The following CRKL variants were observed in gnomAD, a reference collection of about 807,000 sequenced individuals.
CRKL encodes the protein crk-like protein.
A neutral mutation model predicts 23.0 loss-of-function variants in CRKL; 3 were observed. The ratio of observed to expected loss-of-function variants is 0.13; its 90% confidence interval spans 0.06 to 0.34. The LOEUF is 0.34. Among genes scored for constraint, CRKL ranks in the 10% least tolerant of loss-of-function variants. The pLI is 1.00. For synonymous variants in CRKL, 188 were observed against 160.7 expected (o/e 1.17, Z -1.28); for missense variants, 256 against 394.5 (o/e 0.65, Z 2.97).
In CRKL at chr22:20,945,193, C is replaced by T. The variant is rs904060584; in HGVS notation, c.778-4518C>T. ...TATTTTTAGTAGAGACGGGGTTTCA[C>T]GGTATTAGCCAGGATGGTCTCGATC... On this transcript the variant is annotated intron_variant, in intron 2 of 2. Transcript: ENST00000354336. 2.3e-4 allele frequency among the ~76,000 whole-genome samples: 35 copies of T among 151,696 alleles called. 2 individuals are homozygous for T. The highest frequency in any genetic ancestry group is 1.9e-3 in the South Asian group (9 of 4,798).
At chr22:20,934,665 A>G (rs1318981946) in intron 2 of CRKL, among the ~76,000 whole-genome samples, 1 of 152,120 alleles carries the variant, frequency 6.6e-6, no homozygotes, top group Non-Finnish European at 1.5e-5. Flanking sequence ...TTTTTCTTCC[A>G]GTAAGGAAAG....
chr22:20,917,689 C>T lies in CRKL; in HGVS notation c.-246C>T, dbSNP rs979849292. The T allele has an allele frequency of 2.5e-5, 13 of 521,716 alleles. No individual in the cohort carries two copies. The highest frequency in any genetic ancestry group is 3.7e-5 in the Non-Finnish European group (11 of 298,266). The allele number at this position is 521,716 out of a possible 1,614,324, so 32.3% of individuals were successfully genotyped here. A position where few individuals can be genotyped will look rare whatever the true frequency, so the allele number is the denominator to read the frequency against. ...TGCGGCTCGGGTTTGCCTGCCCCGA[C>T]CCCCCGGCTCTGCCGTGCATTCCCG... is the stretch of plus-strand genomic sequence containing the variant. On this transcript the variant is annotated 5_prime_UTR_variant, in exon 1 of 3. Coordinates refer to ENST00000354336, the MANE Select transcript of CRKL (RefSeq NM_005207.4).
chr22:20,940,206 G>A (rs868834662), intron 2 of CRKL, among the ~76,000 whole-genome samples: 1 of 152,022 alleles, frequency 6.6e-6, no homozygotes, highest in Middle Eastern at 3.4e-3. Context: ...CTTCTATGCA[G>A]CCTCTCCAGA....
In CRKL at chr22:20,953,461, T is replaced by G; in HGVS notation, c.*3616T>G. On this transcript the variant is annotated 3_prime_UTR_variant, in exon 3 of 3. Transcript: ENST00000354336. Reference sequence around the variant, plus strand: ...CAACAACAACAACAACATAAAACTCTTTTGACCTGTAACTTAAAGATCATA... The same window carrying G: ...CAACAACAACAACAACATAAAACTCGTTTGACCTGTAACTTAAAGATCATA... 4.3e-6 allele frequency: 1 copy of G among 231,732 alleles called. No individual in the cohort carries two copies. Among genetic ancestry groups the G allele is most frequent in the Non-Finnish European group, 8.5e-6 (1 of 117,106 alleles). 14.4% of individuals were successfully genotyped at this position (231,732 alleles called of 1,614,324 possible). A position where few individuals can be genotyped will look rare whatever the true frequency, so the allele number is the denominator to read the frequency against.
chr22:20,945,246 G>A (rs1922017347), intron 2 of CRKL, among the ~76,000 whole-genome samples: 1 of 152,040 alleles, frequency 6.6e-6, no homozygotes, highest in Non-Finnish European at 1.5e-5. Context: ...GCCTGCCTCG[G>A]CCTCCCAAAG....
Position 20,918,011 on chromosome 22 carries a change from C to G in CRKL, c.77C>G (p.Thr26Ser), listed in dbSNP as rs751864009. 1 of 1,614,232 alleles carries G rather than the reference C, an allele frequency of 6.2e-7. No individual in the cohort carries two copies. ...CCGGTGTCTCGCCAGGAGGCGCAGACCCGGCTCCAGGGCCAGCGCCACGGT... is the reference window on the plus strand; with the variant it reads ...CCGGTGTCTCGCCAGGAGGCGCAGAGCCGGCTCCAGGGCCAGCGCCACGGT... ...MGPVSRQEAQ[T>S]RLQGQRHGMF... Residue 26 changes from threonine (T) to serine (S), a missense_variant, in exon 1 of 3, where the codon ACC (threonine) becomes AGC (serine). Physicochemically the swap from Thr to Ser is moderately conservative, Grantham distance 58. Around this residue, in one of 3 missense-constraint regions of CRKL, gnomAD observed 85 missense variants for 139.8 expected, o/e 0.61. Coordinates refer to ENST00000354336, the MANE Select transcript of CRKL (RefSeq NM_005207.4).
Position 20,917,650 on chromosome 22 carries a change from G to A in CRKL, c.-285G>A, listed in dbSNP as rs894223464. On this transcript the variant is annotated 5_prime_UTR_variant, in exon 1 of 3. Coordinates refer to ENST00000354336, the MANE Select transcript of CRKL (RefSeq NM_005207.4). Reference sequence around the variant, plus strand: ...GGACGCCGAGCAGCCCGAGAACCCCGGGGTGGCCTCCGCTGCGGCTCGGGT... The same window carrying A: ...GGACGCCGAGCAGCCCGAGAACCCCAGGGTGGCCTCCGCTGCGGCTCGGGT... The A allele has an allele frequency of 4.6e-4, 208 of 456,212 alleles. No individual in the cohort carries two copies. The highest frequency in any genetic ancestry group is 2.4e-4 in the Admixed American group (6 of 24,756). 28.3% of individuals were successfully genotyped at this position (456,212 alleles called of 1,614,324 possible).
chr22:20,939,537 C>T (rs1033648358), intron 2 of CRKL, among the ~76,000 whole-genome samples: 10 of 152,034 alleles, frequency 6.6e-5, no homozygotes, highest in Non-Finnish European at 1.0e-4. Context: ...TGAGCCACCG[C>T]GCCTGGCCCA....
In CRKL at chr22:20,950,675, A is replaced by G. The variant is rs1420706420; in HGVS notation, c.*830A>G. Reference sequence around the variant, plus strand: ...TGATCCACCCGCCTTCAGCCTCCCAACGTGCTGGGATTACAGCCGTGAGCC... The same window carrying G: ...TGATCCACCCGCCTTCAGCCTCCCAGCGTGCTGGGATTACAGCCGTGAGCC... On this transcript the variant is annotated 3_prime_UTR_variant, in exon 3 of 3. Coordinates refer to ENST00000354336, the MANE Select transcript of CRKL (RefSeq NM_005207.4). 1.8e-5 allele frequency: 4 copies of G among 217,578 alleles called. No homozygotes were observed. Among genetic ancestry groups the G allele is most frequent in the African/African-American group, 9.0e-5 (4 of 44,374 alleles). 13.5% of individuals were successfully genotyped at this position (217,578 alleles called of 1,614,324 possible). A position where few individuals can be genotyped will look rare whatever the true frequency, so the allele number is the denominator to read the frequency against.
At chr22:20,945,966 T>G (rs1922040947) in intron 2 of CRKL, among the ~76,000 whole-genome samples, 1 of 152,228 alleles carries the variant, frequency 6.6e-6, no homozygotes, top group Non-Finnish European at 1.5e-5. Context: ...TATAAGCCCC[T>G]TTGAGAATCC....
In CRKL at chr22:20,950,012, CT is replaced by C; in HGVS notation, c.*168del. 1 of 836,402 alleles carries C rather than the reference CT, an allele frequency of 1.2e-6. No individual in the cohort carries two copies. The highest frequency in any genetic ancestry group is 2.0e-5 in the South Asian group (1 of 49,834). The allele number at this position is 836,402 out of a possible 1,614,324, so 51.8% of individuals were successfully genotyped here. Reference sequence around the variant, plus strand: ...TTGGAATGCACACAGCGGCTGCCTCCTGATGTTTGTATCATAGTCGTATTGT... The same window carrying C: ...TTGGAATGCACACAGCGGCTGCCTCCGATGTTTGTATCATAGTCGTATTGT... On this transcript the variant is annotated 3_prime_UTR_variant, in exon 3 of 3. Transcript: ENST00000354336.
Position 20,941,537 on chromosome 22 carries a change from TATGTG to T in CRKL, c.777+7294_777+7298del, listed in dbSNP as rs1569136883. ...TGTATGTGTATATATATATATATTT[TATGTG>T]TGTGTGTGTGTGTGTGTGTGTGTGT... On this transcript the variant is annotated intron_variant, in intron 2 of 2. Transcript: ENST00000354336. Among the ~76,000 whole-genome samples, 7 of 65,154 alleles carry T rather than the reference TATGTG, an allele frequency of 1.1e-4. 1 individual carries two copies. In the East Asian group the frequency reaches 2.8e-3, roughly 26 times the overall value. The allele number at this position is 65,154 out of a possible 152,430, so 42.7% of individuals were successfully genotyped here. A position where few individuals can be genotyped will look rare whatever the true frequency, so the allele number is the denominator to read the frequency against.
At chr22:20,926,286 G>T (rs1921199152) in intron 1 of CRKL, among the ~76,000 whole-genome samples, 1 of 152,202 alleles carries the variant, frequency 6.6e-6, no homozygotes, top group African/African-American at 2.4e-5. Flanking sequence ...AGAACTGTCA[G>T]ATTTTAAAAG....
chr22:20,949,424 C>T (rs889625651), intron 2 of CRKL, among the ~76,000 whole-genome samples: 51 of 152,042 alleles, frequency 3.4e-4, no homozygotes, highest in Admixed American at 1.6e-3. Context: ...CCAGCCTGGG[C>T]GACAGACCCC....
chr22:20,941,588 A>ATATATTTTTTTTT (rs1247116681), intron 2 of CRKL, among the ~76,000 whole-genome samples: 2 of 33,554 alleles, frequency 6.0e-5, no homozygotes, highest in African/African-American at 1.2e-4. Context: ...GTATATATAT[A>ATATATTTTTTTTT]TTTTTTTTTT....
chr22:20,946,735 A>C (rs1012343611), intron 2 of CRKL, among the ~76,000 whole-genome samples: 9 of 151,698 alleles, frequency 5.9e-5, no homozygotes, highest in Admixed American at 4.6e-4. Flanking sequence ...AAAAAAAAAA[A>C]CAGATTGATC....
At chr22:20,940,590 AT>A (rs1321968528) in intron 2 of CRKL, among the ~76,000 whole-genome samples, 3 of 78,598 alleles carry the variant, frequency 3.8e-5, no homozygotes, top group Non-Finnish European at 7.6e-5. Context: ...TTTTTTTGGC[AT>A]TTTTTTTCTT....
intron 2 of CRKL, among the ~76,000 whole-genome samples, chr22:20,946,357 T>G (rs1406197590): frequency 6.6e-6 from 1 of 152,160 alleles, no homozygotes; most frequent in African/African-American, 2.4e-5. Flanking sequence ...TCTTGCCATT[T>G]AACTCTTGGT....
At chr22:20,921,752 T>TC (rs996329062) in intron 1 of CRKL, among the ~76,000 whole-genome samples, 2 of 151,834 alleles carry the variant, frequency 1.3e-5, no homozygotes, top group African/African-American at 4.8e-5. Context: ...TCTTGCTCTG[T>TC]CGCCCAGGCT....
Sources: gnomAD v4.1 joint callset for allele counts (sites outside exome capture counted in the v4.1 genomes callset) on GRCh38, gnomAD v4.1.1 for gene constraint, gnomAD v4.1.1 regional missense constraint, MANE v1.5 for transcripts, NCBI Gene and HGNC (gene_info 2026-07-23, HGNC 2026-07-21) for gene names.